SENP6: variants seen among roughly 807,000 people sequenced by gnomAD.
The protein encoded by SENP6 is sentrin-specific protease 6.
A neutral mutation model predicts 134.5 loss-of-function variants in SENP6; 41 were observed. That is an observed-to-expected ratio of 0.30 (90% confidence interval 0.24 to 0.40). SENP6 has a LOEUF of 0.40. SENP6 is among the 10% of genes least tolerant of loss of function. The pLI is 1.00. For synonymous variants in SENP6, 395 were observed against 429.8 expected (o/e 0.92, Z 1.00); for missense variants, 1,248 against 1,312.5 (o/e 0.95, Z 0.76).
chr6:75,682,442 C>T (rs1252890181), intron 16 of SENP6, among the ~76,000 whole-genome samples: 1 of 151,372 alleles, frequency 6.6e-6, no homozygotes, highest in Non-Finnish European at 1.5e-5. Context: ...ATCTATGGTA[C>T]ATGTGCACAA....
chr6:75,642,124 C>T (rs1434428953), intron 6 of SENP6, among the ~76,000 whole-genome samples: 1 of 152,212 alleles, frequency 6.6e-6, no homozygotes, highest in Non-Finnish European at 1.5e-5. Flanking sequence ...TTTTTGATTA[C>T]ATGCTGCCTT....
In SENP6 at chr6:75,717,141, A is replaced by C. The variant is rs778792883; in HGVS notation, c.*1547A>C. The stretch of plus-strand genomic sequence containing the variant: ...AGCTCAGATATCTTAATTAGCTCAT[A>C]TGAAAAACAAGTTTAATTTTATTAT... On this transcript the variant is annotated 3_prime_UTR_variant, in exon 24 of 24. Coordinates refer to ENST00000447266, the MANE Select transcript of SENP6 (RefSeq NM_015571.4). The C allele has an allele frequency of 6.6e-6, 1 of 152,074 alleles. No individual in the cohort carries two copies. Among genetic ancestry groups the C allele is most frequent in the East Asian group, 1.9e-4 (1 of 5,202 alleles). 9.4% of individuals were successfully genotyped at this position (152,074 alleles called of 1,614,324 possible).
chr6:75,704,074 A>G (rs1472978839), intron 19 of SENP6, among the ~76,000 whole-genome samples: 1 of 152,158 alleles, frequency 6.6e-6, no homozygotes, highest in Admixed American at 6.5e-5. Flanking sequence ...AGTTGTGAAC[A>G]GTCCTGAAGG....
intron 19 of SENP6, among the ~76,000 whole-genome samples, chr6:75,704,525 T>C (rs1186360361): frequency 3.3e-5 from 5 of 152,224 alleles, no homozygotes; most frequent in South Asian, 2.1e-4. Flanking sequence ...TATCTCAGAA[T>C]TGAACAAATG....
At chr6:75,696,001 A>G (rs879629866) in intron 17 of SENP6, 78 bp downstream of exon 17, 1 of 1,305,698 alleles carries the variant, frequency 7.7e-7, no homozygotes, top group Non-Finnish European at 1.0e-6. Context: ...TACTTGAAAG[A>G]AAACACAAAT....
chr6:75,674,107 T>C (rs72886878), intron 11 of SENP6, among the ~76,000 whole-genome samples: 42,786 of 150,258 alleles, frequency 0.28, 6,689 homozygotes, highest in Middle Eastern at 0.37. Flanking sequence ...ACATATAATG[T>C]CAACATCCAC....
chr6:75,603,476 ATTC>A (rs1054648427), intron 1 of SENP6, among the ~76,000 whole-genome samples: 3 of 152,222 alleles, frequency 2.0e-5, no homozygotes, highest in South Asian at 2.1e-4. Flanking sequence ...TCAGAGACTC[ATTC>A]TTCTTGTTAA....
At chr6:75,654,908 A>G (rs1449313352) in intron 7 of SENP6, 2 of 152,226 alleles carry the variant, frequency 1.3e-5, no homozygotes, top group African/African-American at 4.8e-5. Context: ...TTCTTGTTTT[A>G]TGACATGTCC....
chr6:75,647,696 C>A, intron 6 of SENP6, 35 bp from the exon 7 acceptor site: 1 of 1,426,060 alleles, frequency 7.0e-7, no homozygotes, highest in Admixed American at 1.7e-5. Flanking sequence ...ACTGTATTTC[C>A]TGTTAGAATA....
At chr6:75,629,973 A>T (rs1768983926) in intron 3 of SENP6, among the ~76,000 whole-genome samples, 1 of 152,210 alleles carries the variant, frequency 6.6e-6, no homozygotes, top group South Asian at 2.1e-4. Flanking sequence ...AATAGCTAAC[A>T]ATAGATATGG....
At chr6:75,626,339 T>TTA (rs371571007) in intron 3 of SENP6, among the ~76,000 whole-genome samples, 8,020 of 149,516 alleles carry the variant, frequency 0.054, 642 homozygotes, top group African/African-American at 0.18. Flanking sequence ...GCTTAGCTTT[T>TTA]TATATATATA....
chr6:75,677,451 C>T, intron 14 of SENP6, 195 bp downstream of exon 14: 1 of 472,070 alleles, frequency 2.1e-6, no homozygotes, highest in Non-Finnish European at 3.8e-6. Flanking sequence ...CCACTTGATA[C>T]AGGTCTCAGA....
intron 18 of SENP6, among the ~76,000 whole-genome samples, chr6:75,699,235 T>G (rs1244534998): frequency 6.6e-6 from 1 of 151,936 alleles, no homozygotes; most frequent in Non-Finnish European, 1.5e-5. Context: ...TGCATGGAAG[T>G]TATTATCAGT....
At chr6:75,671,086 G>A (rs1318488390) in intron 11 of SENP6, among the ~76,000 whole-genome samples, 1 of 152,138 alleles carries the variant, frequency 6.6e-6, no homozygotes, top group Admixed American at 6.5e-5. Flanking sequence ...GCTGGAAAAT[G>A]TATTATAGCA....
rs763803458 is a variant in SENP6 at position 75,675,418 on chromosome 6, TTCA to T, written c.1393-14_1393-12del. On this transcript the variant is annotated splice_polypyrimidine_tract_variant and intron_variant, in intron 11 of 23. Coordinates refer to ENST00000447266, the MANE Select transcript of SENP6 (RefSeq NM_015571.4). ...CTTTGTAAGTCTAGAGCAATACTAA[TTCA>T]TCTTTTTTTTTAGTTTTGTTTAGAT... is the stretch of plus-strand genomic sequence containing the variant. 5 of 1,367,258 alleles carry T rather than the reference TTCA, an allele frequency of 3.7e-6. No individual in the cohort carries two copies. Among genetic ancestry groups the T allele is most frequent in the African/African-American group, 1.5e-5 (1 of 68,030 alleles). The allele number at this position is 1,367,258 out of a possible 1,614,324, so 84.7% of individuals were successfully genotyped here. A position where few individuals can be genotyped will look rare whatever the true frequency, so the allele number is the denominator to read the frequency against.
chr6:75,652,025 A>C (rs1408408703), intron 7 of SENP6, among the ~76,000 whole-genome samples: 1 of 151,948 alleles, frequency 6.6e-6, no homozygotes, highest in Non-Finnish European at 1.5e-5. Context: ...AAAAATATAA[A>C]AATTAGCCGG....
rs148042549 is a variant in SENP6 at position 75,694,989 on chromosome 6, C to T, written c.2076-815C>T. On this transcript the variant is annotated intron_variant, in intron 16 of 23. Coordinates refer to ENST00000447266, the MANE Select transcript of SENP6 (RefSeq NM_015571.4). Reference sequence around the variant, plus strand: ...TCATAGGTTCAAGTGATTCTCCCACCTCAGCCTCCCAAGTAGCTGGGATTA... The same window carrying T: ...TCATAGGTTCAAGTGATTCTCCCACTTCAGCCTCCCAAGTAGCTGGGATTA... Among the ~76,000 whole-genome samples the T allele has an allele frequency of 5.8e-3, 880 of 152,130 alleles. 10 individuals carry two copies. Among genetic ancestry groups the T allele is most frequent in the African/African-American group, 0.02 (844 of 41,506 alleles).
At chr6:75,674,343 T>G (rs1436266378) in intron 11 of SENP6, among the ~76,000 whole-genome samples, 2 of 151,938 alleles carry the variant, frequency 1.3e-5, no homozygotes, top group Non-Finnish European at 2.9e-5. Context: ...TTTTTTGAGA[T>G]GATGTCTCAC....
rs769054714 is a variant in SENP6 at position 75,666,724 on chromosome 6, G to GTGA, written c.1020_1022dup (p.Asp341dup). ...AAAATACTTTTAGTCATTTTGTCCA[G>GTGA]TGATGATGATGATGACAACGACAGA... On this transcript the variant is annotated inframe_insertion, in exon 10 of 24. Coordinates refer to ENST00000447266, the MANE Select transcript of SENP6 (RefSeq NM_015571.4). 5 of 1,539,220 alleles carry GTGA rather than the reference G, an allele frequency of 3.2e-6. No homozygotes were observed. Among genetic ancestry groups the GTGA allele is most frequent in the South Asian group, 1.3e-5 (1 of 78,564 alleles).
Sources: allele counts gnomAD v4.1 joint callset (sites outside exome capture counted in the v4.1 genomes callset), GRCh38; gene constraint gnomAD v4.1.1; transcripts MANE v1.5; gene names NCBI Gene and HGNC (gene_info 2026-07-23, HGNC 2026-07-21).